Variants in TRIB2 observed in about 807,000 individuals in gnomAD.
TRIB2 encodes tribbles pseudokinase 2.
In TRIB2, 2 loss-of-function variants were observed where a neutral mutation model predicts 26.8. The observed-to-expected ratio is 0.07, with a 90% confidence interval of 0.03 to 0.24. The LOEUF is 0.24. Ranked by LOEUF, TRIB2 falls within the 10% of genes least tolerant of loss-of-function variation. TRIB2 has a pLI of 1.00. For synonymous variants in TRIB2, 189 were observed against 187.3 expected, an observed-to-expected ratio of 1.01 and a Z score of -0.08; for missense variants, 306 against 449.0, an observed-to-expected ratio of 0.68 and a Z score of 2.88.
chr2:12,736,561 A>G (rs1572485096), intron 2 of TRIB2, among the ~76,000 whole-genome samples: 1 of 152,190 alleles, frequency 6.6e-6, no homozygotes, highest in African/African-American at 2.4e-5. Context: ...AACCCTGGCC[A>G]GGTAGGCAGA....
intron 2 of TRIB2, among the ~76,000 whole-genome samples, chr2:12,729,970 C>T (rs557176708): frequency 1.3e-5 from 2 of 152,310 alleles, no homozygotes; most frequent in Admixed American, 1.3e-4. Context: ...TGCTATTGGG[C>T]ATCCTCTGAT....
chr2:12,728,872 T>G (rs1484406105), intron 2 of TRIB2, among the ~76,000 whole-genome samples: 1 of 152,260 alleles, frequency 6.6e-6, no homozygotes, highest in African/African-American at 2.4e-5. Flanking sequence ...TATTGGCTTT[T>G]CCTTCAGATC....
chr2:12,738,765 T>C (rs1661642530), intron 2 of TRIB2, among the ~76,000 whole-genome samples: 2 of 152,144 alleles, frequency 1.3e-5, no homozygotes, highest in Admixed American at 1.3e-4. Context: ...TCAGTGACTT[T>C]CACCATAGCC....
Position 12,718,273 on chromosome 2 carries a change from T to G in TRIB2, c.-35T>G, listed in dbSNP as rs764485871. 3.8e-6 allele frequency: 6 copies of G among 1,563,146 alleles called. 1 individual carries two copies. The highest frequency in any genetic ancestry group is 1.4e-5 in the African/African-American group (1 of 72,734). ...GCCAGCGACTCATCTCTCCAGCGGG[T>G]TTTTTTTTGTTTGTCGTGTGCGATC... On this transcript the variant is annotated 5_prime_UTR_variant, in exon 1 of 3. Coordinates refer to ENST00000155926, the MANE Select transcript of TRIB2 (RefSeq NM_021643.4). This position sits in a 1 kb window ranked among gnomAD's most constrained non-coding sequence, Gnocchi z 4.0.
Position 12,718,706 on chromosome 2 carries a change from T to C in TRIB2, c.270+129T>C. The stretch of plus-strand genomic sequence containing the variant: ...CGTGGCCTTATTAAATGGGTTTATT[T>C]ATTTATTTGCTCAGGTTCGGTAAGT... On this transcript the variant is annotated intron_variant, in intron 1 of 2. Coordinates refer to ENST00000155926, the MANE Select transcript of TRIB2 (RefSeq NM_021643.4). This position sits in a 1 kb window ranked among gnomAD's most constrained non-coding sequence, Gnocchi z 4.0. The C allele has an allele frequency of 2.3e-6, 3 of 1,282,356 alleles. No homozygotes were observed. Among genetic ancestry groups the C allele is most frequent in the Non-Finnish European group, 3.2e-6 (3 of 948,466 alleles). 79.4% of individuals were successfully genotyped at this position (1,282,356 alleles called of 1,614,324 possible). A position where few individuals can be genotyped will look rare whatever the true frequency, so the allele number is the denominator to read the frequency against.
intron 1 of TRIB2, among the ~76,000 whole-genome samples, chr2:12,719,492 AAAT>A (rs1475520161): frequency 6.6e-6 from 1 of 152,148 alleles, no homozygotes; most frequent in Non-Finnish European, 1.5e-5. Flanking sequence ...GCGAAAAAGA[AAAT>A]AACTATAATA....
intron 2 of TRIB2, among the ~76,000 whole-genome samples, chr2:12,730,848 C>T (rs1024352174): frequency 6.6e-6 from 1 of 152,198 alleles, no homozygotes; most frequent in Non-Finnish European, 1.5e-5. Context: ...ACTCAATACT[C>T]TTGGGAGTTT....
intron 2 of TRIB2, among the ~76,000 whole-genome samples, chr2:12,739,504 A>T (rs1007834977): frequency 7.3e-5 from 8 of 109,594 alleles, no homozygotes; most frequent in Non-Finnish European, 1.4e-4. Flanking sequence ...TGGCCTCCCA[A>T]AGTGTTGGGA....
Position 12,717,453 on chromosome 2 carries a change from A to T in TRIB2, c.-855A>T. On this transcript the variant is annotated 5_prime_UTR_variant, in exon 1 of 3. Coordinates refer to ENST00000155926, the MANE Select transcript of TRIB2 (RefSeq NM_021643.4). This position sits in a 1 kb window ranked among gnomAD's most constrained non-coding sequence, Gnocchi z 4.8. Reference sequence around the variant, plus strand: ...ACCTGGGGCGCGAGCGAGCGGCGACAGCATGAGCCTGTGCTGACCTCCGCG... The same window carrying T: ...ACCTGGGGCGCGAGCGAGCGGCGACTGCATGAGCCTGTGCTGACCTCCGCG... The T allele has an allele frequency of 2.5e-6, 1 of 398,462 alleles. No individual in the cohort carries two copies. 24.7% of individuals were successfully genotyped at this position (398,462 alleles called of 1,614,324 possible).
rs995072981 is a variant in TRIB2, at chr2:12,742,354, A to G, written c.*1560A>G. 6.6e-6 allele frequency: 1 copy of G among 152,600 alleles called. No individual in the cohort carries two copies. Among genetic ancestry groups the G allele is most frequent in the African/African-American group, 2.4e-5 (1 of 41,422 alleles). The allele number at this position is 152,600 out of a possible 1,614,324, so 9.5% of individuals were successfully genotyped here. A position where few individuals can be genotyped will look rare whatever the true frequency, so the allele number is the denominator to read the frequency against. On this transcript the variant is annotated 3_prime_UTR_variant, in exon 3 of 3. Transcript: ENST00000155926. ...ATGTTACTTGAATCTGTGCTTCATA[A>G]TAGTGTGTGGCATGTATGTGCAGAC...
intron 2 of TRIB2, among the ~76,000 whole-genome samples, chr2:12,725,373 T>C (rs1288821506): frequency 1.3e-5 from 2 of 152,218 alleles, no homozygotes; most frequent in Non-Finnish European, 2.9e-5. Flanking sequence ...GGAGGTTGCA[T>C]AGTCTGTGTG....
intron 1 of TRIB2, among the ~76,000 whole-genome samples, chr2:12,722,723 C>A (rs1297916375): frequency 2.0e-5 from 3 of 152,178 alleles, no homozygotes; most frequent in Non-Finnish European, 4.4e-5. Flanking sequence ...CCTCAGTTTC[C>A]ATATCTGTAA....
chr2:12,734,263 C>G (rs748844086), intron 2 of TRIB2, among the ~76,000 whole-genome samples: 3 of 152,154 alleles, frequency 2.0e-5, no homozygotes, highest in Non-Finnish European at 2.9e-5. Flanking sequence ...ATTGCCACCA[C>G]CCTCCACCCC....
intron 2 of TRIB2, chr2:12,724,830 C>T: frequency 6.2e-7 from 1 of 1,610,926 alleles, no homozygotes; most frequent in South Asian, 1.1e-5. Context: ...TTTGAATATT[C>T]TCATTTAGAA....
In TRIB2 at chr2:12,724,623, G is replaced by T. The variant is rs552333383; in HGVS notation, c.563+1071G>T. 8.1e-6 allele frequency: 13 copies of T among 1,610,898 alleles called. 1 individual carries two copies. The South Asian group carries it at 1.3e-4, about 16-fold the overall frequency. On this transcript the variant is annotated intron_variant, in intron 2 of 2. Coordinates refer to ENST00000155926, the MANE Select transcript of TRIB2 (RefSeq NM_021643.4). ...GAACCACATTTACCTTTTCTCTTCC[G>T]CTCAGATGCCTCTGCCCCTGGAGCC... is the stretch of plus-strand genomic sequence containing the variant.
At chr2:12,738,571 C>T (rs1278431937) in intron 2 of TRIB2, among the ~76,000 whole-genome samples, 1 of 152,156 alleles carries the variant, frequency 6.6e-6, no homozygotes, top group Non-Finnish European at 1.5e-5. Context: ...ACCTACAACT[C>T]TCTGAGGCAG....
At chr2:12,723,652 T>C in intron 2 of TRIB2, 100 bp downstream of exon 2, 8 of 1,392,056 alleles carry the variant, frequency 5.7e-6, no homozygotes, top group Non-Finnish European at 7.7e-6. Flanking sequence ...CCGTCTGTGG[T>C]CCAGATGAGG....
chr2:12,724,902 C>A (rs1357770559), intron 2 of TRIB2: 5 of 1,505,228 alleles, frequency 3.3e-6, no homozygotes, highest in Non-Finnish European at 4.4e-6. Flanking sequence ...CTTGTATGTT[C>A]CACCTTTCTT....
chr2:12,729,427 T>A (rs974264410), intron 2 of TRIB2, among the ~76,000 whole-genome samples: 5 of 152,162 alleles, frequency 3.3e-5, no homozygotes, highest in Non-Finnish European at 7.3e-5. Flanking sequence ...AGTATTGGTG[T>A]CTAGGTCATT....
Sources: allele counts gnomAD v4.1 joint callset (sites outside exome capture counted in the v4.1 genomes callset), GRCh38; gene constraint gnomAD v4.1.1; non-coding constraint Gnocchi (gnomAD v3.1); transcripts MANE v1.5; gene names NCBI Gene and HGNC (gene_info 2026-07-23, HGNC 2026-07-21).